TCF12: variants seen among roughly 807,000 people sequenced by gnomAD.
TCF12 encodes transcription factor 12.
A neutral mutation model predicts 86.0 loss-of-function variants in TCF12; 45 were observed. The ratio of observed to expected loss-of-function variants is 0.52; its 90% CI spans 0.41 to 0.67. TCF12 has a LOEUF of 0.67. Ranked by LOEUF, TCF12 falls within the 30% of genes least tolerant of loss-of-function variation. The pLI, the probability that TCF12 is intolerant of heterozygous loss-of-function variation, is 0.00. For missense variants in TCF12, 881 were observed against 859.9 expected (o/e 1.02, Z -0.31); for synonymous variants, 330 against 299.6 (o/e 1.10, Z -1.05).
At chr15:57,076,109 G>A (rs2070009156) in intron 4 of TCF12, among the ~76,000 whole-genome samples, 1 of 151,368 alleles carries the variant, frequency 6.6e-6, no homozygotes, top group African/African-American at 2.4e-5. Flanking sequence ...TCCTGCCTTG[G>A]CCTCCCAAAG....
intron 13 of TCF12, among the ~76,000 whole-genome samples, chr15:57,249,308 A>G (rs912284072): frequency 2.0e-5 from 3 of 152,110 alleles, no homozygotes; most frequent in African/African-American, 7.2e-5. Flanking sequence ...TCAATGAGCA[A>G]TTTTAGATTG....
chr15:57,094,114 C>T lies in TCF12; in HGVS notation c.325+2223C>T, dbSNP rs1182603730. Among the ~76,000 whole-genome samples, 4 of 152,144 alleles carry T rather than the reference C, an allele frequency of 2.6e-5. No individual in the cohort carries two copies. The East Asian group carries it at 5.8e-4, about 22-fold the overall frequency. On this transcript the variant is annotated intron_variant, in intron 5 of 20. Transcript: ENST00000333725. Reference sequence around the variant, plus strand: ...TGTTGACCAGACTGGTTTTGAGCTCCTGGCCTCAAGTGATCCTTCTGCCCC... The same window carrying T: ...TGTTGACCAGACTGGTTTTGAGCTCTTGGCCTCAAGTGATCCTTCTGCCCC...
At chr15:57,097,719 G>A (rs1463972111) in intron 5 of TCF12, among the ~76,000 whole-genome samples, 2 of 152,084 alleles carry the variant, frequency 1.3e-5, no homozygotes, top group Non-Finnish European at 2.9e-5. Flanking sequence ...GAATATGATT[G>A]TATATTCATT....
chr15:56,925,468 A>G (rs1253315777), intron 3 of TCF12, among the ~76,000 whole-genome samples: 3 of 152,192 alleles, frequency 2.0e-5, no homozygotes, highest in African/African-American at 7.2e-5. Flanking sequence ...TGAAATGAGA[A>G]GATAAAGATG....
intron 3 of TCF12, among the ~76,000 whole-genome samples, chr15:56,952,791 A>T (rs1214316746): frequency 1.3e-5 from 2 of 152,170 alleles, no homozygotes; most frequent in Non-Finnish European, 2.9e-5. Flanking sequence ...ATCTTCATAA[A>T]TGGTCATGTA....
intron 3 of TCF12, among the ~76,000 whole-genome samples, chr15:57,027,320 T>C (rs1245744554): frequency 9.9e-5 from 15 of 152,174 alleles, no homozygotes; most frequent in Non-Finnish European, 2.2e-4. Flanking sequence ...AATAATGAAA[T>C]TGTACAGGAT....
intron 5 of TCF12, among the ~76,000 whole-genome samples, chr15:57,129,306 A>G (rs2051926260): frequency 6.6e-6 from 1 of 152,206 alleles, no homozygotes; most frequent in South Asian, 2.1e-4. Flanking sequence ...TATGCCTATA[A>G]TCCCAGCACC....
At chr15:57,006,377 T>A (rs2064374199) in intron 3 of TCF12, among the ~76,000 whole-genome samples, 3 of 152,032 alleles carry the variant, frequency 2.0e-5, no homozygotes, top group African/African-American at 7.2e-5. Flanking sequence ...CTATCTTGGT[T>A]CACTGTAACC....
intron 5 of TCF12, among the ~76,000 whole-genome samples, chr15:57,119,374 A>G (rs1318122886): frequency 6.6e-6 from 1 of 150,804 alleles, no homozygotes; most frequent in South Asian, 2.1e-4. Flanking sequence ...GCTAGTCTCA[A>G]ACTCCTGATG....
At chr15:56,974,123 A>G (rs2062481990) in intron 3 of TCF12, among the ~76,000 whole-genome samples, 1 of 152,128 alleles carries the variant, frequency 6.6e-6, no homozygotes, top group African/African-American at 2.4e-5. Context: ...CCTGTATATT[A>G]AATGGTAGTA....
chr15:57,063,510 G>A (rs1479709742), intron 3 of TCF12, among the ~76,000 whole-genome samples: 1 of 152,146 alleles, frequency 6.6e-6, no homozygotes, highest in Admixed American at 6.5e-5. Context: ...AGTCTGCAAA[G>A]AAATATTTTG....
rs1408579842 is a variant in TCF12 at position 57,263,062 on chromosome 15, CAT to C, written c.1583-45_1583-44del. On this transcript the variant is annotated intron_variant, in intron 17 of 20. Transcript: ENST00000333725. ...GCTTTTTATTGTCTTAGCTGTAATTCATATATGAGTCTCGTCTTTTATTTTAT... is the reference window on the plus strand; with the variant it reads ...GCTTTTTATTGTCTTAGCTGTAATTCATATGAGTCTCGTCTTTTATTTTAT... 3 of 1,555,458 alleles carry C rather than the reference CAT, an allele frequency of 1.9e-6. No individual in the cohort carries two copies. In the African/African-American group the frequency reaches 4.2e-5, roughly 22 times the overall value.
At chr15:57,102,218 T>C (rs2049808179) in intron 5 of TCF12, among the ~76,000 whole-genome samples, 1 of 152,222 alleles carries the variant, frequency 6.6e-6, no homozygotes, top group Non-Finnish European at 1.5e-5. Context: ...ATTTGTTCCA[T>C]AGGCTACATT....
intron 3 of TCF12, among the ~76,000 whole-genome samples, chr15:56,944,902 G>A (rs971696881): frequency 3.3e-5 from 5 of 152,028 alleles, no homozygotes; most frequent in Non-Finnish European, 5.9e-5. Context: ...TTACCTTGTC[G>A]ATTTCTATTA....
intron 6 of TCF12, among the ~76,000 whole-genome samples, chr15:57,173,158 A>T (rs1384567492): frequency 1.3e-5 from 2 of 152,158 alleles, no homozygotes; most frequent in Admixed American, 6.5e-5. Context: ...TGTTTAAATG[A>T]CCCATTGTTT....
At chr15:57,255,980 A>G (rs1331352940) in intron 16 of TCF12, among the ~76,000 whole-genome samples, 5 of 152,136 alleles carry the variant, frequency 3.3e-5, no homozygotes, top group African/African-American at 1.2e-4. Context: ...GCTGTGGAAA[A>G]TCTGCCAGAA....
At chr15:57,189,954 A>T (rs575302123) in intron 6 of TCF12, among the ~76,000 whole-genome samples, 20 of 152,340 alleles carry the variant, frequency 1.3e-4, no homozygotes, top group African/African-American at 4.3e-4. Context: ...CTTCAAAAAC[A>T]TTCTAAATGT....
At chr15:57,221,263 G>A (rs1400141714) in intron 8 of TCF12, among the ~76,000 whole-genome samples, 1 of 152,122 alleles carries the variant, frequency 6.6e-6, no homozygotes, top group African/African-American at 2.4e-5. Context: ...ATGGATGAGT[G>A]AAATTATTTA....
chr15:57,229,580 A>G (rs1170192100), intron 8 of TCF12, among the ~76,000 whole-genome samples: 2 of 151,824 alleles, frequency 1.3e-5, no homozygotes, highest in Non-Finnish European at 3.0e-5. Flanking sequence ...TTAACCTTTT[A>G]TTTAGAATAA....
Sources: allele counts gnomAD v4.1 joint callset (sites outside exome capture counted in the v4.1 genomes callset), GRCh38; gene constraint gnomAD v4.1.1; transcripts MANE v1.5; gene names NCBI Gene and HGNC (gene_info 2026-07-23, HGNC 2026-07-21).